The following MCF2L2 variants were observed in gnomAD, a reference collection of about 807,000 sequenced individuals.
MCF2L2 encodes the protein MCF.2 cell line derived transforming sequence-like 2.
In MCF2L2, 102 loss-of-function variants were observed where a neutral mutation model predicts 150.2. The ratio of observed to expected loss-of-function variants is 0.68; its 90% CI spans 0.58 to 0.80. The LOEUF (loss-of-function observed/expected upper bound fraction) is 0.80. MCF2L2 is among the 30% of genes least tolerant of loss of function. MCF2L2 has a pLI of 0.00. For synonymous variants in MCF2L2, 465 were observed against 491.3 expected (o/e 0.95, Z 0.71); for missense variants, 1,256 against 1,372.8 (o/e 0.91, Z 1.34).
rs1056493556 is a variant in MCF2L2 at position 183,179,751 on chromosome 3, G to C, written c.3106-59C>G. ...TATTGCTGGAGGCTGTGGCCAGACCGGGCAAGGTGGTGACTCCCGCTGGCA... is the reference window on the plus strand; with the variant it reads ...TATTGCTGGAGGCTGTGGCCAGACCCGGCAAGGTGGTGACTCCCGCTGGCA... On this transcript the variant is annotated intron_variant, in intron 28 of 29. Coordinates refer to ENST00000328913, the MANE Select transcript of MCF2L2 (RefSeq NM_015078.4). This position sits in a 1 kb window ranked among gnomAD's most constrained non-coding sequence, Gnocchi z 4.2. 1 of 1,470,324 alleles carries C rather than the reference G, an allele frequency of 6.8e-7. No individual in the cohort carries two copies. Among genetic ancestry groups the C allele is most frequent in the East Asian group, 2.3e-5 (1 of 43,918 alleles). The allele number at this position is 1,470,324 out of a possible 1,614,324, so 91.1% of individuals were successfully genotyped here.
chr3:183,318,224 G>T lies in MCF2L2; in HGVS notation c.604-7C>A. 2 of 1,614,150 alleles carry T rather than the reference G, an allele frequency of 1.2e-6. No homozygotes were observed. The highest frequency in any genetic ancestry group is 1.7e-6 in the Non-Finnish European group (2 of 1,179,994). On this transcript the variant is annotated splice_region_variant and splice_polypyrimidine_tract_variant and intron_variant, in intron 6 of 29. Coordinates refer to ENST00000328913, the MANE Select transcript of MCF2L2 (RefSeq NM_015078.4). ...AGGCAAAGTTTTCGATGGCCTGGAA[G>T]GTCAGACAATTGTAACAATATGGAG...
intron 3 of MCF2L2, among the ~76,000 whole-genome samples, chr3:183,341,926 AT>A (rs1730713799): frequency 6.6e-6 from 1 of 152,230 alleles, no homozygotes; most frequent in East Asian, 1.9e-4. Context: ...AGCATCACAT[AT>A]TCCCAATGTA....
At chr3:183,380,216 A>G (rs1713436070) in intron 2 of MCF2L2, among the ~76,000 whole-genome samples, 1 of 152,128 alleles carries the variant, frequency 6.6e-6, no homozygotes. Context: ...AGCTGCATGG[A>G]GCCATTTGAC....
At chr3:183,311,795 C>G in intron 7 of MCF2L2, 23 bp from the exon 8 acceptor site, 1 of 1,603,982 alleles carries the variant, frequency 6.2e-7, no homozygotes, top group Non-Finnish European at 8.5e-7. Flanking sequence ...AGTAGTCTCT[C>G]TTAGAACGAA....
chr3:183,295,014 C>T (rs1185055961), intron 13 of MCF2L2, among the ~76,000 whole-genome samples: 2 of 152,134 alleles, frequency 1.3e-5, no homozygotes, highest in Non-Finnish European at 2.9e-5. Flanking sequence ...CCACCCGCCA[C>T]GGCCTCCCAA....
intron 15 of MCF2L2, among the ~76,000 whole-genome samples, chr3:183,273,880 G>A (rs534312126): frequency 7.2e-5 from 11 of 152,210 alleles, no homozygotes; most frequent in African/African-American, 2.4e-4. Flanking sequence ...GTTCTCGTAT[G>A]TATAACCTGG....
intron 15 of MCF2L2, among the ~76,000 whole-genome samples, chr3:183,249,369 C>T (rs1051469289): frequency 1.2e-4 from 18 of 152,340 alleles, no homozygotes; most frequent in African/African-American, 4.3e-4. Flanking sequence ...CTCTACTGGA[C>T]CAGGGAGGGT....
chr3:183,313,532 T>A (rs527936686), intron 7 of MCF2L2, among the ~76,000 whole-genome samples: 7 of 152,172 alleles, frequency 4.6e-5, no homozygotes, highest in African/African-American at 1.7e-4. Flanking sequence ...CAGGGTCAAC[T>A]TGAGTAGGGT....
intron 1 of MCF2L2, among the ~76,000 whole-genome samples, chr3:183,413,955 C>T (rs1232354906): frequency 1.3e-5 from 2 of 152,178 alleles, no homozygotes; most frequent in African/African-American, 4.8e-5. Flanking sequence ...AGAAAATCCA[C>T]GTATAAGTGG....
intron 5 of MCF2L2, among the ~76,000 whole-genome samples, chr3:183,333,724 T>C (rs73053379): frequency 0.13 from 19,570 of 152,184 alleles, 1,333 homozygotes; most frequent in African/African-American, 0.14. Flanking sequence ...ATTACAAATG[T>C]GTACATGTAT....
At chr3:183,314,408 A>C (rs1272372645) in intron 7 of MCF2L2, among the ~76,000 whole-genome samples, 1 of 152,232 alleles carries the variant, frequency 6.6e-6, no homozygotes, top group Non-Finnish European at 1.5e-5. Context: ...AAGGGCCAAA[A>C]GAAAAGAGGT....
At chr3:183,406,708 C>T (rs992238322) in intron 1 of MCF2L2, among the ~76,000 whole-genome samples, 5 of 152,120 alleles carry the variant, frequency 3.3e-5, no homozygotes, top group African/African-American at 9.7e-5. Context: ...AGGCTGGTCT[C>T]GAACTCCTGA....
intron 23 of MCF2L2, among the ~76,000 whole-genome samples, chr3:183,206,872 AAAAGAAAG>A (rs891500376): frequency 6.6e-6 from 1 of 151,658 alleles, no homozygotes; most frequent in Admixed American, 6.6e-5. Flanking sequence ...CTGTCGAAAG[AAAAGAAAG>A]AAAGAAAGAC....
Position 183,283,383 on chromosome 3 carries a change from G to A in MCF2L2, c.1776+5737C>T, listed in dbSNP as rs1228468031. On this transcript the variant is annotated intron_variant, in intron 14 of 29. Coordinates refer to ENST00000328913, the MANE Select transcript of MCF2L2 (RefSeq NM_015078.4). This position sits in a 1 kb window ranked among gnomAD's most constrained non-coding sequence, Gnocchi z 4.2. ...TCAACATTCCTCAACCAAAGCCTCA[G>A]TAAACTGTCTCTCATCTACCTTCCC... Among the ~76,000 whole-genome samples the A allele has an allele frequency of 1.3e-5, 2 of 152,098 alleles. No individual in the cohort carries two copies. Among genetic ancestry groups the A allele is most frequent in the African/African-American group, 2.4e-5 (1 of 41,416 alleles).
chr3:183,404,612 C>T (rs1231107143), intron 1 of MCF2L2, among the ~76,000 whole-genome samples: 1 of 152,172 alleles, frequency 6.6e-6, no homozygotes, highest in Non-Finnish European at 1.5e-5. Context: ...CCTGTAATCC[C>T]AGCACTTTGG....
In MCF2L2 at chr3:183,224,097, C is replaced by T; in HGVS notation, c.2208+1G>A. 1 of 1,612,530 alleles carries T rather than the reference C, an allele frequency of 6.2e-7. No individual in the cohort carries two copies. Among genetic ancestry groups the T allele is most frequent in the Non-Finnish European group, 8.5e-7 (1 of 1,178,576 alleles). ...GAAGAAGTTTGTCTTCTCAACATTA[C>T]CCCAAAGTAGGCGCAGTCTTGACAC... On this transcript the variant is annotated splice_donor_variant, in intron 19 of 29. Coordinates refer to ENST00000328913, the MANE Select transcript of MCF2L2 (RefSeq NM_015078.4). LOFTEE classifies it high-confidence loss of function.
intron 3 of MCF2L2, among the ~76,000 whole-genome samples, chr3:183,361,102 C>CAAGACAAGACAAGAAAAGAAAAGAA (rs1325681167): frequency 6.2e-5 from 6 of 97,454 alleles, no homozygotes; most frequent in African/African-American, 2.7e-4. Context: ...CAAGACAAGA[C>CAAGACAAGACAAGAAAAGAAAAGAA]AAGAAAAGAA....
At chr3:183,209,996 A>T (rs190922402) in intron 22 of MCF2L2, among the ~76,000 whole-genome samples, 2 of 152,136 alleles carry the variant, frequency 1.3e-5, no homozygotes, top group South Asian at 4.1e-4. Context: ...GGATATTCAA[A>T]CTTGTAGTTT....
At chr3:183,316,958 G>T (rs1049949451) in intron 7 of MCF2L2, among the ~76,000 whole-genome samples, 1 of 151,458 alleles carries the variant, frequency 6.6e-6, no homozygotes, top group Admixed American at 6.6e-5. Flanking sequence ...CGCCCACCTC[G>T]GCCTCCCAAA....
Sources: gnomAD v4.1 joint callset for allele counts (sites outside exome capture counted in the v4.1 genomes callset) on GRCh38, gnomAD v4.1.1 for gene constraint, Gnocchi (gnomAD v3.1) non-coding constraint, MANE v1.5 for transcripts, NCBI Gene and HGNC (gene_info 2026-07-23, HGNC 2026-07-21) for gene names.